ERBB4: variants seen among roughly 807,000 people sequenced by gnomAD.
ERBB4 encodes the protein receptor tyrosine-protein kinase erbB-4.
In ERBB4, 42 loss-of-function variants were observed where a neutral mutation model predicts 158.0. The ratio of observed to expected loss-of-function variants is 0.27; its 90% confidence interval spans 0.21 to 0.34. ERBB4 has a LOEUF of 0.34. ERBB4 is among the 10% of genes least tolerant of loss of function. The pLI, the probability that ERBB4 is intolerant of heterozygous loss-of-function variation, is 1.00. For missense variants in ERBB4, 1,333 were observed against 1,624.1 expected, an observed-to-expected ratio of 0.82 and a Z score of 3.08; for synonymous variants, 583 against 558.7, an observed-to-expected ratio of 1.04 and a Z score of -0.61.
At chr2:211,534,460 T>A (rs1315377223) in intron 20 of ERBB4, among the ~76,000 whole-genome samples, 1 of 152,080 alleles carries the variant, frequency 6.6e-6, no homozygotes, top group African/African-American at 2.4e-5. Context: ...CAAAATTACA[T>A]AAACCCTACA....
intron 5 of ERBB4, among the ~76,000 whole-genome samples, chr2:211,730,155 G>A (rs1429788751): frequency 6.6e-6 from 1 of 151,764 alleles, no homozygotes; most frequent in African/African-American, 2.4e-5. Context: ...TAAGAACTAT[G>A]GCTTAATTAC....
intron 1 of ERBB4, among the ~76,000 whole-genome samples, chr2:212,208,922 C>T (rs1438707961): frequency 1.3e-5 from 2 of 152,062 alleles, no homozygotes; most frequent in Non-Finnish European, 1.5e-5. Flanking sequence ...TTTAAGGAAA[C>T]TATTCAGAGT....
intron 3 of ERBB4, among the ~76,000 whole-genome samples, chr2:211,808,264 A>C (rs2076666081): frequency 6.6e-6 from 1 of 152,208 alleles, no homozygotes; most frequent in Non-Finnish European, 1.5e-5. Context: ...TTTTAGGTCT[A>C]ACATTTAATT....
At chr2:211,756,387 A>G (rs1250533753) in intron 4 of ERBB4, among the ~76,000 whole-genome samples, 1 of 152,206 alleles carries the variant, frequency 6.6e-6, no homozygotes, top group Non-Finnish European at 1.5e-5. Flanking sequence ...GGATGAGCAC[A>G]ACTGTTTGGG....
chr2:211,433,400 C>T lies in ERBB4; in HGVS notation c.2488-2300G>A, dbSNP rs1285824969. On this transcript the variant is annotated intron_variant, in intron 20 of 27. Transcript: ENST00000342788. ...ATCGAGACCATCCTGGCTAACATGG[C>T]GAAACCCCATCTCTACTAAAAATAC... is the stretch of plus-strand genomic sequence containing the variant. Among the ~76,000 whole-genome samples, 13 of 151,562 alleles carry T rather than the reference C, an allele frequency of 8.6e-5. No individual in the cohort carries two copies. The East Asian group carries it at 1.4e-3, about 16-fold the overall frequency.
chr2:211,436,074 A>C (rs2125442871), intron 20 of ERBB4, among the ~76,000 whole-genome samples: 1 of 152,236 alleles, frequency 6.6e-6, no homozygotes, highest in Non-Finnish European at 1.5e-5. Flanking sequence ...CTCCTGCCTC[A>C]GACTTCCAAA....
intron 1 of ERBB4, among the ~76,000 whole-genome samples, chr2:212,188,234 C>CTCTCT (rs1443869832): frequency 0.025 from 608 of 24,100 alleles, 196 homozygotes; most frequent in Middle Eastern, 0.059. Context: ...CTCTCTCTCT[C>CTCTCT]CCCCCCCCTC....
intron 16 of ERBB4, among the ~76,000 whole-genome samples, chr2:211,649,602 C>G (rs1210897378): frequency 6.6e-6 from 1 of 151,744 alleles, no homozygotes; most frequent in African/African-American, 2.4e-5. Flanking sequence ...GTGTTTTTCC[C>G]TCAACAAGTA....
At chr2:212,076,931 G>A (rs1000460374) in intron 2 of ERBB4, among the ~76,000 whole-genome samples, 11 of 151,844 alleles carry the variant, frequency 7.2e-5, no homozygotes, top group African/African-American at 2.7e-4. Flanking sequence ...ATTTACATTA[G>A]TTCTATTGTT....
At chr2:212,089,715 T>C (rs376279499) in intron 2 of ERBB4, among the ~76,000 whole-genome samples, 1 of 152,278 alleles carries the variant, frequency 6.6e-6, no homozygotes, top group Admixed American at 6.5e-5. Context: ...CTTCCTATAC[T>C]GCCTGTGGAA....
chr2:212,117,363 G>A (rs1331609679), intron 2 of ERBB4, among the ~76,000 whole-genome samples: 1 of 152,108 alleles, frequency 6.6e-6, no homozygotes, highest in Non-Finnish European at 1.5e-5. Context: ...TTTCTTGAAG[G>A]TACAGTTTCC....
At chr2:212,083,291 T>C (rs986607285) in intron 2 of ERBB4, among the ~76,000 whole-genome samples, 2 of 151,938 alleles carry the variant, frequency 1.3e-5, no homozygotes, top group African/African-American at 4.8e-5. Flanking sequence ...TTAATTCAAA[T>C]TGGCTTGAAG....
At chr2:212,296,100 T>A (rs1338825092) in intron 1 of ERBB4, among the ~76,000 whole-genome samples, 1 of 151,992 alleles carries the variant, frequency 6.6e-6, no homozygotes, top group African/African-American at 2.4e-5. Flanking sequence ...AATATGTAAT[T>A]CATTGAGCAT....
intron 2 of ERBB4, among the ~76,000 whole-genome samples, chr2:212,048,453 G>A (rs2077313688): frequency 6.6e-6 from 1 of 152,114 alleles, no homozygotes; most frequent in African/African-American, 2.4e-5. Flanking sequence ...AATATATTTG[G>A]GTTATGCTTT....
At chr2:211,924,879 T>C (rs1379712898) in intron 3 of ERBB4, among the ~76,000 whole-genome samples, 1 of 152,220 alleles carries the variant, frequency 6.6e-6, no homozygotes, top group Non-Finnish European at 1.5e-5. Context: ...TCCGCATCCA[T>C]CCATTTTCCT....
chr2:212,392,813 G>A (rs1457723839), intron 1 of ERBB4, among the ~76,000 whole-genome samples: 1 of 151,952 alleles, frequency 6.6e-6, no homozygotes, highest in Admixed American at 6.6e-5. Context: ...TGAGCTGTGA[G>A]CAGAGATTAT....
At chr2:211,896,475 C>A (rs1418654411) in intron 3 of ERBB4, among the ~76,000 whole-genome samples, 2 of 152,128 alleles carry the variant, frequency 1.3e-5, no homozygotes, top group African/African-American at 4.8e-5. Context: ...CTACTGCTGT[C>A]ATCCTGGTCC....
chr2:212,402,062 T>C (rs1168621057), intron 1 of ERBB4, among the ~76,000 whole-genome samples: 3 of 152,154 alleles, frequency 2.0e-5, no homozygotes, highest in African/African-American at 7.2e-5. Flanking sequence ...CCCTTTGTAC[T>C]AAAGTTCACA....
chr2:212,353,431 A>G (rs1041502559), intron 1 of ERBB4, among the ~76,000 whole-genome samples: 1 of 149,216 alleles, frequency 6.7e-6, no homozygotes, highest in Non-Finnish European at 1.5e-5. Flanking sequence ...TTATATAAAT[A>G]AAAGTATACA....
Sources: allele counts gnomAD v4.1 joint callset (sites outside exome capture counted in the v4.1 genomes callset), GRCh38; gene constraint gnomAD v4.1.1; transcripts MANE v1.5; gene names NCBI Gene and HGNC (gene_info 2026-07-23, HGNC 2026-07-21).